Variants in GLIS3 observed in about 807,000 individuals in gnomAD.
GLIS3 encodes the protein zinc finger protein GLIS3.
Under a neutral mutation model 78.6 loss-of-function variants are expected in GLIS3, and 53 were observed. The ratio of observed to expected loss-of-function variants is 0.67; its 90% CI spans 0.54 to 0.85. The LOEUF is 0.85. GLIS3 is among the 40% of genes least tolerant of loss of function. GLIS3 has a pLI of 0.00. For synonymous variants in GLIS3, 684 were observed against 509.9 expected, an observed-to-expected ratio of 1.34 and a Z score of -4.60; for missense variants, 1,703 against 1,231.1, an observed-to-expected ratio of 1.38 and a Z score of -5.74.
intron 4 of GLIS3, among the ~76,000 whole-genome samples, chr9:4,067,827 G>T (rs909207513): frequency 5.3e-5 from 8 of 150,986 alleles, no homozygotes; most frequent in African/African-American, 1.9e-4. Context: ...ATGGTTACCA[G>T]CAAAGAACAG....
At chr9:3,889,622 CTCAG>C (rs1199185597) in intron 7 of GLIS3, among the ~76,000 whole-genome samples, 7 of 152,190 alleles carry the variant, frequency 4.6e-5, no homozygotes, top group Non-Finnish European at 8.8e-5. Flanking sequence ...CTTGATTTCA[CTCAG>C]TCATTTTGAT....
At chr9:4,344,200 T>A (rs1447269142) in intron 2 of GLIS3, among the ~76,000 whole-genome samples, 1 of 152,002 alleles carries the variant, frequency 6.6e-6, no homozygotes, top group Non-Finnish European at 1.5e-5. Context: ...CCGATAAAAT[T>A]CATATTCACC....
intron 4 of GLIS3, among the ~76,000 whole-genome samples, chr9:3,947,870 C>T (rs377006754): frequency 1.3e-5 from 2 of 152,184 alleles, no homozygotes; most frequent in East Asian, 1.9e-4. Flanking sequence ...TTTCCTGACA[C>T]TGTGCTTTTC....
chr9:4,486,669 G>C, the GLIS3 span, among the ~76,000 whole-genome samples: 1 of 152,068 alleles, frequency 6.6e-6, no homozygotes, highest in East Asian at 1.9e-4. Flanking sequence ...ACCTTCAGGG[G>C]ACCAAGGGCC....
intron 1 of GLIS3, among the ~76,000 whole-genome samples, chr9:4,286,898 C>T (rs16921031): frequency 0.076 from 11,555 of 152,264 alleles, 722 homozygotes; most frequent in African/African-American, 0.15. Context: ...AAAAGCACCA[C>T]CTACCTGAGC....
At chr9:3,899,097 C>T in intron 6 of GLIS3, 1 of 528,576 alleles carries the variant, frequency 1.9e-6, no homozygotes, top group South Asian at 2.1e-5. Flanking sequence ...TCTGGCAACT[C>T]AACTTCCTAT....
At chr9:4,336,194 G>A (rs1817753598) in intron 2 of GLIS3, among the ~76,000 whole-genome samples, 1 of 152,156 alleles carries the variant, frequency 6.6e-6, no homozygotes, top group African/African-American at 2.4e-5. Context: ...ACCTAATCTT[G>A]GGAGTCTCCA....
chr9:4,439,230 T>G, the GLIS3 span, among the ~76,000 whole-genome samples: 1 of 152,210 alleles, frequency 6.6e-6, no homozygotes, highest in South Asian at 2.1e-4. Context: ...TTTCCAAGAT[T>G]TCTATTTTTA....
chr9:4,266,210 G>T (rs1054294006), intron 2 of GLIS3, among the ~76,000 whole-genome samples: 1 of 150,484 alleles, frequency 6.6e-6, no homozygotes, highest in Non-Finnish European at 1.5e-5. Context: ...GAGCCACCGC[G>T]CCTGGCCCGC....
rs980834224 is a variant in GLIS3 at position 4,045,682 on chromosome 9, A to T, written c.1710+72086T>A. Among the ~76,000 whole-genome samples the T allele has an allele frequency of 2.6e-5, 4 of 152,086 alleles. No homozygotes were observed. The East Asian group carries it at 5.8e-4, about 22-fold the overall frequency. On this transcript the variant is annotated intron_variant, in intron 4 of 10. Coordinates refer to ENST00000381971, the MANE Select transcript of GLIS3 (RefSeq NM_001042413.2). ...CAATGTAACAACTTGGAAAAAGAAG[A>T]AGTCCTGGCCCCAACAGCAGATGCC...
the GLIS3 span, among the ~76,000 whole-genome samples, chr9:4,414,012 T>G: frequency 6.6e-6 from 1 of 152,034 alleles, no homozygotes; most frequent in East Asian, 1.9e-4. Context: ...CTCAGGCAAG[T>G]CAGTGAAAGC....
At chr9:4,094,756 ATTAATGATC>A (rs1461716634) in intron 4 of GLIS3, among the ~76,000 whole-genome samples, 1 of 152,202 alleles carries the variant, frequency 6.6e-6, no homozygotes, top group African/African-American at 2.4e-5. Context: ...AGGTCTTAAA[ATTAATGATC>A]TTAGATCCGA....
At chr9:4,189,789 C>T (rs1192681059) in intron 2 of GLIS3, among the ~76,000 whole-genome samples, 1 of 152,054 alleles carries the variant, frequency 6.6e-6, no homozygotes, top group Non-Finnish European at 1.5e-5. Context: ...GGTTTAAAGT[C>T]TGTTTTATCA....
At chr9:4,288,466 T>A (rs1460947583) in intron 1 of GLIS3, among the ~76,000 whole-genome samples, 1 of 131,976 alleles carries the variant, frequency 7.6e-6, no homozygotes, top group Non-Finnish European at 1.6e-5. Flanking sequence ...ACTGTGCCCA[T>A]TTCCAGGTTT....
chr9:4,377,361 C>T, the GLIS3 span, among the ~76,000 whole-genome samples: 1 of 135,518 alleles, frequency 7.4e-6, no homozygotes. Flanking sequence ...CACCCTAGGA[C>T]ATCAGACTCC....
At chr9:4,243,657 G>C (rs546424271) in intron 2 of GLIS3, among the ~76,000 whole-genome samples, 100 of 152,342 alleles carry the variant, frequency 6.6e-4, no homozygotes, top group African/African-American at 2.3e-3. Context: ...GGTTATTACA[G>C]AGTGTCAGAA....
At chr9:4,474,124 G>T in the GLIS3 span, among the ~76,000 whole-genome samples, 4 of 152,094 alleles carry the variant, frequency 2.6e-5, no homozygotes, top group African/African-American at 4.8e-5. Flanking sequence ...AAATTCAAAG[G>T]ATGATTAATA....
At chr9:4,152,078 A>G (rs549839532) in intron 2 of GLIS3, 1 of 953,408 alleles carries the variant, frequency 1.0e-6, no homozygotes, top group African/African-American at 1.8e-5. Flanking sequence ...TAGACAACAA[A>G]CAAGTAACAC....
At chr9:3,847,393 A>G (rs1274691361) in intron 9 of GLIS3, among the ~76,000 whole-genome samples, 2 of 152,152 alleles carry the variant, frequency 1.3e-5, no homozygotes, top group Admixed American at 6.5e-5. Flanking sequence ...GTTCATTCGT[A>G]TTTATTTAAT....
Sources: allele counts gnomAD v4.1 joint callset (sites outside exome capture counted in the v4.1 genomes callset), GRCh38; gene constraint gnomAD v4.1.1; transcripts MANE v1.5; gene names NCBI Gene and HGNC (gene_info 2026-07-23, HGNC 2026-07-21).